ITFG1: variants seen among roughly 807,000 people sequenced by gnomAD.
ITFG1 encodes integrin alpha FG-GAP repeat containing 1.
ITFG1 carries 34 observed loss-of-function variants against 81.8 expected under a neutral mutation model. The observed-to-expected ratio is 0.42, with a 90% CI of 0.32 to 0.55. The LOEUF (loss-of-function observed/expected upper bound fraction) is 0.55. ITFG1 is among the 20% of genes least tolerant of loss of function. The pLI, the probability that ITFG1 is intolerant of heterozygous loss-of-function variation, is 0.17. For synonymous variants in ITFG1, 285 were observed against 270.6 expected, an observed-to-expected ratio of 1.05 and a Z score of -0.52; for missense variants, 672 against 755.4, an observed-to-expected ratio of 0.89 and a Z score of 1.29.
intron 8 of ITFG1, among the ~76,000 whole-genome samples, chr16:47,351,609 T>A (rs1255981141): frequency 6.6e-6 from 1 of 152,156 alleles, no homozygotes; most frequent in Non-Finnish European, 1.5e-5. Flanking sequence ...ATAGGAAGAA[T>A]CAATATCGTG....
intron 8 of ITFG1, among the ~76,000 whole-genome samples, chr16:47,363,973 C>A (rs974987538): frequency 6.6e-6 from 1 of 152,020 alleles, no homozygotes; most frequent in Non-Finnish European, 1.5e-5. Context: ...GACTTCCTGG[C>A]GGTCAGTCAC....
At chr16:47,383,835 C>T (rs1002237725) in intron 6 of ITFG1, among the ~76,000 whole-genome samples, 1 of 152,196 alleles carries the variant, frequency 6.6e-6, no homozygotes, top group Non-Finnish European at 1.5e-5. Context: ...ATCCAGGAGG[C>T]GGAGGTTGCA....
intron 6 of ITFG1, among the ~76,000 whole-genome samples, chr16:47,428,093 GTAC>G (rs1458932901): frequency 6.6e-6 from 1 of 152,176 alleles, no homozygotes. Flanking sequence ...GTGATCGCAT[GTAC>G]TACTGTGCTC....
rs1468228967 is a variant in ITFG1, at chr16:47,401,520, A to AC, written c.656-25581_656-25580insG. Among the ~76,000 whole-genome samples, 6 of 152,314 alleles carry AC rather than the reference A, an allele frequency of 3.9e-5. No homozygotes were observed. In the East Asian group the frequency reaches 1.2e-3, roughly 29 times the overall value. On this transcript the variant is annotated intron_variant, in intron 6 of 17. Coordinates refer to ENST00000320640, the MANE Select transcript of ITFG1 (RefSeq NM_030790.5). ...GACATTGAAAAGAAAAAGGGACACA[A>AC]AAGTAGGAAGTGTCAGATGCTACCT...
rs141039299 is a variant in ITFG1, at chr16:47,402,554, C to T, written c.655+26250G>A. Among the ~76,000 whole-genome samples, 1,142 of 152,238 alleles carry T rather than the reference C, an allele frequency of 7.5e-3. 19 individuals are homozygous for T. Among genetic ancestry groups the T allele is most frequent in the African/African-American group, 0.026 (1,082 of 41,550 alleles). ...CCACAGCATCCCGGCTCTGGCTGCC[C>T]GACCCAGTGCACATGGGGGTTCATG... is the stretch of plus-strand genomic sequence containing the variant. On this transcript the variant is annotated intron_variant, in intron 6 of 17. Coordinates refer to ENST00000320640, the MANE Select transcript of ITFG1 (RefSeq NM_030790.5).
intron 5 of ITFG1, among the ~76,000 whole-genome samples, chr16:47,445,051 T>A (rs1233632297): frequency 6.7e-6 from 1 of 148,858 alleles, no homozygotes; most frequent in East Asian, 2.0e-4. Flanking sequence ...TCAGAATACA[T>A]CAACATGGAC....
intron 10 of ITFG1, among the ~76,000 whole-genome samples, chr16:47,296,759 C>T (rs1472898938): frequency 1.3e-5 from 2 of 152,080 alleles, no homozygotes; most frequent in African/African-American, 4.8e-5. Context: ...TGAGAATTTC[C>T]GTTGGTATTG....
intron 13 of ITFG1, among the ~76,000 whole-genome samples, chr16:47,227,523 C>A (rs957770798): frequency 4.6e-5 from 7 of 152,132 alleles, no homozygotes; most frequent in African/African-American, 1.7e-4. Flanking sequence ...GGTGTTGTAT[C>A]ATATAGATTC....
chr16:47,387,109 A>G lies in ITFG1; in HGVS notation c.656-11169T>C, dbSNP rs981071220. On this transcript the variant is annotated intron_variant, in intron 6 of 17. Coordinates refer to ENST00000320640, the MANE Select transcript of ITFG1 (RefSeq NM_030790.5). ...CCAAGGTATTGTCAAAAATAGAGCA[A>G]TCAGCTGGCAATTACTGAAGCCTAA... Among the ~76,000 whole-genome samples the G allele has an allele frequency of 2.0e-5, 3 of 152,204 alleles. No individual in the cohort carries two copies. In the South Asian group the frequency reaches 6.2e-4, roughly 31 times the overall value.
At chr16:47,327,617 A>G (rs1479332783) in intron 8 of ITFG1, among the ~76,000 whole-genome samples, 2 of 152,236 alleles carry the variant, frequency 1.3e-5, no homozygotes, top group African/African-American at 4.8e-5. Context: ...ATGAACTCAA[A>G]CAAATTTACA....
intron 8 of ITFG1, among the ~76,000 whole-genome samples, chr16:47,346,865 T>C (rs980752660): frequency 6.6e-6 from 1 of 152,206 alleles, no homozygotes; most frequent in South Asian, 2.1e-4. Context: ...TCTCAGAGTA[T>C]TCCAGAAAAC....
chr16:47,274,783 C>T (rs1199178667), intron 10 of ITFG1, among the ~76,000 whole-genome samples: 3 of 151,980 alleles, frequency 2.0e-5, no homozygotes, highest in African/African-American at 4.8e-5. Context: ...CTGTTGAAGA[C>T]GTAGAGAGAT....
At chr16:47,253,434 T>C (rs1304385361) in intron 12 of ITFG1, among the ~76,000 whole-genome samples, 1 of 152,186 alleles carries the variant, frequency 6.6e-6, no homozygotes, top group Non-Finnish European at 1.5e-5. Context: ...GGTAGTTTGC[T>C]GTCTCACTAT....
chr16:47,457,039 C>CA (rs1285737664), intron 2 of ITFG1, among the ~76,000 whole-genome samples: 4 of 151,834 alleles, frequency 2.6e-5, no homozygotes, highest in Non-Finnish European at 1.5e-5. Context: ...GCAAGCTGCA[C>CA]AAAAAATGAA....
At chr16:47,456,647 G>A (rs1263860915) in intron 2 of ITFG1, among the ~76,000 whole-genome samples, 1 of 149,854 alleles carries the variant, frequency 6.7e-6, no homozygotes, top group African/African-American at 2.5e-5. Context: ...AGCTGAGCTT[G>A]TGCCACTGCA....
At chr16:47,276,767 T>C (rs1051761075) in intron 10 of ITFG1, among the ~76,000 whole-genome samples, 1 of 151,888 alleles carries the variant, frequency 6.6e-6, no homozygotes, top group Non-Finnish European at 1.5e-5. Context: ...TACAAGTCAG[T>C]GGGGAAAAAT....
At chr16:47,224,327 A>G (rs1421983991) in intron 13 of ITFG1, among the ~76,000 whole-genome samples, 1 of 152,234 alleles carries the variant, frequency 6.6e-6, no homozygotes, top group African/African-American at 2.4e-5. Context: ...CTTAAAAGGA[A>G]AAATGGAAAT....
At chr16:47,332,631 T>C (rs1967651082) in intron 8 of ITFG1, among the ~76,000 whole-genome samples, 1 of 152,176 alleles carries the variant, frequency 6.6e-6, no homozygotes. Flanking sequence ...GCCATAGAAA[T>C]TATGTCCTTT....
intron 12 of ITFG1, among the ~76,000 whole-genome samples, chr16:47,243,002 A>C (rs1320159455): frequency 6.6e-6 from 1 of 152,134 alleles, no homozygotes; most frequent in Non-Finnish European, 1.5e-5. Flanking sequence ...TATTTCAATA[A>C]AATGTTTATT....
Sources: allele counts gnomAD v4.1 joint callset (sites outside exome capture counted in the v4.1 genomes callset), GRCh38; gene constraint gnomAD v4.1.1; transcripts MANE v1.5; gene names NCBI Gene and HGNC (gene_info 2026-07-23, HGNC 2026-07-21).